MAML2: variants seen among roughly 807,000 people sequenced by gnomAD.
The protein encoded by MAML2 is mastermind like transcriptional coactivator 2, also known as mastermind-like protein 2.
A neutral mutation model predicts 96.1 loss-of-function variants in MAML2; 22 were observed. The observed-to-expected ratio is 0.23, with a 90% confidence interval of 0.16 to 0.33. MAML2 has a LOEUF of 0.33. Among genes scored for constraint, MAML2 ranks in the 10% least tolerant of loss-of-function variants. MAML2 has a pLI of 1.00. For missense variants in MAML2, 1,367 were observed against 1,392.4 expected (o/e 0.98, Z 0.29); for synonymous variants, 561 against 521.3 (o/e 1.08, Z -1.04).
intron 1 of MAML2, among the ~76,000 whole-genome samples, chr11:96,169,144 A>G (rs1861240446): frequency 6.6e-6 from 1 of 152,234 alleles, no homozygotes; most frequent in African/African-American, 2.4e-5. Context: ...TACCACTGAC[A>G]GAAGGCCTGA....
Position 96,068,075 on chromosome 11 carries a change from A to T in MAML2, c.2139+23817T>A, listed in dbSNP as rs767115751. Among the ~76,000 whole-genome samples, 29 of 152,296 alleles carry T rather than the reference A, an allele frequency of 1.9e-4. No individual in the cohort carries two copies. The South Asian group carries it at 4.3e-3, about 23-fold the overall frequency. ...CTCACCCACTGACATTTCTGGTTCAACAAGTTTTCTTCTTAATGTAGTTAA... is the reference window on the plus strand; with the variant it reads ...CTCACCCACTGACATTTCTGGTTCATCAAGTTTTCTTCTTAATGTAGTTAA... On this transcript the variant is annotated intron_variant, in intron 2 of 4. Transcript: ENST00000524717.
At chr11:96,014,596 TA>T (rs1261173245) in intron 2 of MAML2, among the ~76,000 whole-genome samples, 11 of 152,204 alleles carry the variant, frequency 7.2e-5, no homozygotes, top group Admixed American at 3.3e-4. Flanking sequence ...CAACTTGTAG[TA>T]AAAAACTCTA....
intron 1 of MAML2, among the ~76,000 whole-genome samples, chr11:96,321,754 T>C (rs376823401): frequency 6.6e-5 from 10 of 152,350 alleles, no homozygotes; most frequent in African/African-American, 1.9e-4. Flanking sequence ...ATATAAAATA[T>C]GTGTGGCCAA....
At chr11:96,261,934 C>T (rs544169158) in intron 1 of MAML2, among the ~76,000 whole-genome samples, 146 of 152,268 alleles carry the variant, frequency 9.6e-4, no homozygotes, top group Middle Eastern at 3.4e-3. Context: ...GTATTTGATA[C>T]GGTCAGAATT....
At chr11:96,087,500 A>G (rs2135804866) in intron 2 of MAML2, among the ~76,000 whole-genome samples, 1 of 152,376 alleles carries the variant, frequency 6.6e-6, no homozygotes, top group South Asian at 2.1e-4. Context: ...AAGGTGAGTT[A>G]TAAAGAAATC....
At chr11:96,191,557 G>A (rs565512517) in intron 1 of MAML2, among the ~76,000 whole-genome samples, 2 of 151,614 alleles carry the variant, frequency 1.3e-5, no homozygotes, top group African/African-American at 4.8e-5. Flanking sequence ...GCTGGATCAC[G>A]AGGTCAAGAG....
intron 2 of MAML2, among the ~76,000 whole-genome samples, chr11:96,082,016 C>G (rs1179479928): frequency 1.3e-5 from 2 of 152,160 alleles, no homozygotes; most frequent in Non-Finnish European, 2.9e-5. Context: ...CGCATAACTT[C>G]TTTTCTTTCT....
At chr11:96,097,877 A>G (rs962703818) in intron 1 of MAML2, among the ~76,000 whole-genome samples, 3 of 152,114 alleles carry the variant, frequency 2.0e-5, no homozygotes, top group Admixed American at 6.5e-5. Flanking sequence ...TACCCATTTC[A>G]TAAGTGAAAA....
rs764176413 is a variant in MAML2 at position 95,991,687 on chromosome 11, T to C, written c.2176A>G (p.Ser726Gly). Residue 726 changes from serine (S) to glycine (G), a missense_variant, in exon 3 of 5, where the codon AGT becomes GGT. By Grantham distance (56) the Ser-to-Gly change is moderately conservative. Transcript: ENST00000524717. ...HSVVGQNTGP[S>G]PSPNPCSNPN... ...TTTGAGCAGGGGTTAGGACTTGGAC[T>C]GGGGCCTGTGTTCTGGCCTACCACA... The C allele has an allele frequency of 6.2e-7, 1 of 1,613,666 alleles. No individual in the cohort carries two copies. The highest frequency in any genetic ancestry group is 8.5e-7 in the Non-Finnish European group (1 of 1,179,694).
At chr11:96,077,217 C>CCCTT (rs558743001) in intron 2 of MAML2, among the ~76,000 whole-genome samples, 555 of 38,420 alleles carry the variant, frequency 0.014, 9 homozygotes, top group East Asian at 0.091. Flanking sequence ...AACTCTCTCT[C>CCCTT]TCTTTTTTTT....
chr11:96,334,027 C>G (rs949942063), intron 1 of MAML2, among the ~76,000 whole-genome samples: 3 of 152,076 alleles, frequency 2.0e-5, no homozygotes, highest in African/African-American at 7.2e-5. Flanking sequence ...ATTAGGAGTC[C>G]TAGAATCTTA....
At chr11:96,272,459 G>A (rs747649995) in intron 1 of MAML2, among the ~76,000 whole-genome samples, 32 of 152,274 alleles carry the variant, frequency 2.1e-4, no homozygotes, top group Middle Eastern at 6.8e-3. Context: ...ATGGTCAACT[G>A]CCTGAACCTA....
At chr11:96,102,166 C>T (rs1859944786) in intron 1 of MAML2, among the ~76,000 whole-genome samples, 1 of 152,066 alleles carries the variant, frequency 6.6e-6, no homozygotes, top group Admixed American at 6.5e-5. Context: ...GTCCCAGCTA[C>T]TTGGGAGGCT....
intron 1 of MAML2, among the ~76,000 whole-genome samples, chr11:96,307,235 G>C (rs1398014609): frequency 2.0e-5 from 3 of 152,306 alleles, no homozygotes; most frequent in Middle Eastern, 6.8e-3. Flanking sequence ...CAGCCTCTTA[G>C]AACTGTGCTC....
At chr11:96,280,569 G>A (rs1193440699) in intron 1 of MAML2, among the ~76,000 whole-genome samples, 1 of 152,190 alleles carries the variant, frequency 6.6e-6, no homozygotes, top group East Asian at 1.9e-4. Flanking sequence ...AGTTGAAAGG[G>A]ATCTTAGAAC....
Position 96,326,393 on chromosome 11 carries a change from A to ATGTG in MAML2, c.513+14986_513+14989dup, listed in dbSNP as rs369718997. Among the ~76,000 whole-genome samples the ATGTG allele has an allele frequency of 2.7e-5, 4 of 146,902 alleles. No homozygotes were observed. In the South Asian group the frequency reaches 8.6e-4, roughly 32 times the overall value. On this transcript the variant is annotated intron_variant, in intron 1 of 4. Coordinates refer to ENST00000524717, the MANE Select transcript of MAML2 (RefSeq NM_032427.4). Reference sequence around the variant, plus strand: ...TGTGTGTGTGTGTGTGTGTGCATGTATGTGTGTGTGTGTGTTTTAAATGCA... The same window carrying ATGTG: ...TGTGTGTGTGTGTGTGTGTGCATGTATGTGTGTGTGTGTGTGTGTTTTAAATGCA...
At chr11:96,228,357 C>T (rs940153828) in intron 1 of MAML2, among the ~76,000 whole-genome samples, 4 of 152,160 alleles carry the variant, frequency 2.6e-5, no homozygotes, top group African/African-American at 4.8e-5. Flanking sequence ...TTTTCTCCTT[C>T]ATGCTAGCAC....
intron 1 of MAML2, among the ~76,000 whole-genome samples, chr11:96,276,773 T>C (rs953189520): frequency 7.8e-6 from 1 of 127,610 alleles, no homozygotes; most frequent in Non-Finnish European, 1.6e-5. Context: ...CCCATTTTCA[T>C]AATTATTTCT....
intron 1 of MAML2, among the ~76,000 whole-genome samples, chr11:96,230,697 T>C (rs1862281004): frequency 6.6e-6 from 1 of 152,360 alleles, no homozygotes; most frequent in South Asian, 2.1e-4. Context: ...CTGAGACCTA[T>C]AGAGTCCCAA....
Sources: gnomAD v4.1 joint callset for allele counts (sites outside exome capture counted in the v4.1 genomes callset) on GRCh38, gnomAD v4.1.1 for gene constraint, MANE v1.5 for transcripts, NCBI Gene and HGNC (gene_info 2026-07-23, HGNC 2026-07-21) for gene names.